Variants in FLOT1 observed in about 807,000 individuals in gnomAD.
The protein encoded by FLOT1 is flotillin 1.
In FLOT1, 40 loss-of-function variants were observed where a neutral mutation model predicts 58.4. That is an observed-to-expected ratio of 0.69 (90% CI 0.53 to 0.89). The LOEUF (loss-of-function observed/expected upper bound fraction) is 0.89, where lower values mean the gene tolerates loss of function less well. FLOT1 is among the 40% of genes least tolerant of loss of function. The probability of loss-of-function intolerance (pLI) is 0.00; values close to 1 mark genes in which losing one functional copy is unlikely to be tolerated. For missense variants in FLOT1, 423 were observed against 540.8 expected, an observed-to-expected ratio of 0.78 and a Z score of 2.16; for synonymous variants, 178 against 204.2, an observed-to-expected ratio of 0.87 and a Z score of 1.09.
chr6:30,735,054 G>A (rs144355208), intron 8 of FLOT1, among the ~76,000 whole-genome samples: 39 of 152,174 alleles, frequency 2.6e-4, no homozygotes, highest in African/African-American at 8.0e-4. Flanking sequence ...GGCCATGTAC[G>A]GAGAAACATC....
At position 30,742,323 on chromosome 6, in the gene FLOT1, C is replaced by T. The variant is rs377432345; in HGVS notation, c.-14-120G>A. ...AGTCTGCATCCGCCACGGCCCGTCCCTTCTACACCCATGGGTCCGCTAAGG... is the reference window on the plus strand; with the variant it reads ...AGTCTGCATCCGCCACGGCCCGTCCTTTCTACACCCATGGGTCCGCTAAGG... On this transcript the variant is annotated intron_variant, in intron 1 of 12. Coordinates refer to ENST00000376389, the MANE Select transcript of FLOT1 (RefSeq NM_005803.4). This position sits in a 1 kb window ranked among gnomAD's most constrained non-coding sequence, Gnocchi z 5.2. The T allele has an allele frequency of 1.2e-6, 1 of 804,682 alleles. No homozygotes were observed. The highest frequency in any genetic ancestry group is 2.5e-5 in the East Asian group (1 of 40,552). 49.8% of individuals were successfully genotyped at this position (804,682 alleles called of 1,614,324 possible). A position where few individuals can be genotyped will look rare whatever the true frequency, so the allele number is the denominator to read the frequency against.
At chr6:30,729,062 G>A (rs886493815) in intron 12 of FLOT1, among the ~76,000 whole-genome samples, 13 of 150,488 alleles carry the variant, frequency 8.6e-5, no homozygotes, top group Non-Finnish European at 1.3e-4. Context: ...ACAGGCATGA[G>A]CTACCGCGCC....
chr6:30,733,820 G>A (rs1777372807), intron 8 of FLOT1, among the ~76,000 whole-genome samples: 1 of 151,530 alleles, frequency 6.6e-6, no homozygotes, highest in Non-Finnish European at 1.5e-5. Flanking sequence ...GGAGGCTAAG[G>A]TGGGAGGATA....
At chr6:30,739,336 C>G (rs537190373) in intron 8 of FLOT1, among the ~76,000 whole-genome samples, 3 of 152,032 alleles carry the variant, frequency 2.0e-5, no homozygotes, top group Admixed American at 6.6e-5. Flanking sequence ...ATATGATCAG[C>G]CTTATTGATC....
At chr6:30,728,178 G>C (rs758257267) in intron 12 of FLOT1, 33 bp from the exon 13 acceptor site, 2 of 1,608,032 alleles carry the variant, frequency 1.2e-6, no homozygotes, top group East Asian at 4.5e-5. Flanking sequence ...TGACACTTGG[G>C]AACATTCGGG....
chr6:30,737,099 G>C lies in FLOT1; in HGVS notation c.723+3059C>G, dbSNP rs2127774056. Among the ~76,000 whole-genome samples the C allele has an allele frequency of 6.6e-6, 1 of 151,684 alleles. No homozygotes were observed. Among genetic ancestry groups the C allele is most frequent in the Non-Finnish European group, 1.5e-5 (1 of 67,920 alleles). ...TCCTCCTCACTCACAGCACACCAGC[G>C]CCCCCAGATCAGAAACCTCCTTTCT... On this transcript the variant is annotated intron_variant, in intron 8 of 12. Coordinates refer to ENST00000376389, the MANE Select transcript of FLOT1 (RefSeq NM_005803.4). The surrounding 1 kb of genome is among the most constrained non-coding windows in gnomAD (Gnocchi z 4.4).
intron 12 of FLOT1, among the ~76,000 whole-genome samples, chr6:30,729,241 A>AT (rs1050879272): frequency 4.7e-5 from 7 of 149,288 alleles, no homozygotes; most frequent in Non-Finnish European, 8.9e-5. Context: ...AGCCTGGCTA[A>AT]TTTTTTTTTG....
intron 8 of FLOT1, among the ~76,000 whole-genome samples, chr6:30,734,100 C>T (rs1777400217): frequency 6.7e-6 from 1 of 149,752 alleles, no homozygotes; most frequent in Non-Finnish European, 1.5e-5. Flanking sequence ...TGAAGCCTGC[C>T]TCTTTGAGAT....
intron 12 of FLOT1, among the ~76,000 whole-genome samples, chr6:30,728,463 G>A (rs1206436996): frequency 6.8e-6 from 1 of 146,704 alleles, no homozygotes; most frequent in Non-Finnish European, 1.5e-5. Context: ...ATTTACATAC[G>A]CTTTTTTTTT....
At chr6:30,734,541 T>G (rs2127770064) in intron 8 of FLOT1, among the ~76,000 whole-genome samples, 1 of 152,202 alleles carries the variant, frequency 6.6e-6, no homozygotes, top group Middle Eastern at 3.4e-3. Flanking sequence ...TCTCCTGACC[T>G]CGTGAGCCAC....
In FLOT1 at chr6:30,737,200, A is replaced by T. The variant is rs199795171; in HGVS notation, c.723+2958T>A. ...CCACGTATGACTGACTGACTGACTGACTGTCTGTCGTCCGTCCGTCCGTCC... is the reference window on the plus strand; with the variant it reads ...CCACGTATGACTGACTGACTGACTGTCTGTCTGTCGTCCGTCCGTCCGTCC... On this transcript the variant is annotated intron_variant, in intron 8 of 12. Coordinates refer to ENST00000376389, the MANE Select transcript of FLOT1 (RefSeq NM_005803.4). This position sits in a 1 kb window ranked among gnomAD's most constrained non-coding sequence, Gnocchi z 4.4. Among the ~76,000 whole-genome samples the T allele has an allele frequency of 8.8e-4, 127 of 143,882 alleles. 2 individuals carry two copies. The highest frequency in any genetic ancestry group is 7.4e-3 in the Middle Eastern group (2 of 272). 94.4% of individuals were successfully genotyped at this position (143,882 alleles called of 152,430 possible).
intron 8 of FLOT1, among the ~76,000 whole-genome samples, chr6:30,732,359 A>AT (rs1052372971): frequency 3.2e-4 from 48 of 148,602 alleles, no homozygotes; most frequent in African/African-American, 7.6e-4. Flanking sequence ...CAAGGAACAC[A>AT]TTTTTTTTTT....
Position 30,737,950 on chromosome 6 carries a change from C to G in FLOT1, c.723+2208G>C, listed in dbSNP as rs373102558. On this transcript the variant is annotated intron_variant, in intron 8 of 12. Transcript: ENST00000376389. This position sits in a 1 kb window ranked among gnomAD's most constrained non-coding sequence, Gnocchi z 4.4. Reference sequence around the variant, plus strand: ...GAATAAATCCTTCTTTCCTGAACACCTAGCACACTGCCTGGTGCATAACGA... The same window carrying G: ...GAATAAATCCTTCTTTCCTGAACACGTAGCACACTGCCTGGTGCATAACGA... Among the ~76,000 whole-genome samples, 41 of 152,212 alleles carry G rather than the reference C, an allele frequency of 2.7e-4. No homozygotes were observed. Among genetic ancestry groups the G allele is most frequent in the African/African-American group, 8.4e-4 (35 of 41,454 alleles).
intron 8 of FLOT1, among the ~76,000 whole-genome samples, chr6:30,735,097 T>C (rs886774332): frequency 3.3e-5 from 5 of 152,108 alleles, no homozygotes; most frequent in Non-Finnish European, 1.5e-5. Context: ...TCTTTTTGGA[T>C]TGGTCATGTT....
In FLOT1 at chr6:30,741,373, C is replaced by G; in HGVS notation, c.211-40G>C. The G allele has an allele frequency of 6.2e-7, 1 of 1,610,802 alleles. No homozygotes were observed. Among genetic ancestry groups the G allele is most frequent in the Non-Finnish European group, 8.5e-7 (1 of 1,178,314 alleles). ...GGGGTAGGAAAGGTGTGGTGGGGGT[C>G]TCATGAAGTCAGAGAAAAAGCAGAG... On this transcript the variant is annotated intron_variant, in intron 4 of 12. Transcript: ENST00000376389. This position sits in a 1 kb window ranked among gnomAD's most constrained non-coding sequence, Gnocchi z 5.9.
At position 30,737,217 on chromosome 6, in the gene FLOT1, C is replaced by CGTCT. The variant is rs1562188095; in HGVS notation, c.723+2940_723+2941insAGAC. On this transcript the variant is annotated intron_variant, in intron 8 of 12. Coordinates refer to ENST00000376389, the MANE Select transcript of FLOT1 (RefSeq NM_005803.4). The surrounding 1 kb of genome is among the most constrained non-coding windows in gnomAD (Gnocchi z 4.4). ...ACTGACTGACTGTCTGTCGTCCGTC[C>CGTCT]GTCCGTCCGTCCGTCCGTCCGTCCG... Among the ~76,000 whole-genome samples the CGTCT allele has an allele frequency of 6.2e-5, 5 of 80,742 alleles. No homozygotes were observed. Among genetic ancestry groups the CGTCT allele is most frequent in the East Asian group, 3.2e-4 (1 of 3,152 alleles). 53.0% of individuals were successfully genotyped at this position (80,742 alleles called of 152,430 possible). A position where few individuals can be genotyped will look rare whatever the true frequency, so the allele number is the denominator to read the frequency against.
chr6:30,729,368 T>C (rs1410637233), intron 12 of FLOT1, among the ~76,000 whole-genome samples: 1 of 152,180 alleles, frequency 6.6e-6, no homozygotes, highest in African/African-American at 2.4e-5. Flanking sequence ...CGTAAGCCAC[T>C]GCACCTGGCC....
At position 30,741,701 on chromosome 6, in the gene FLOT1, G is replaced by C. The variant is rs1777994345; in HGVS notation, c.123C>G (p.Ile41Met). 1.9e-6 allele frequency: 3 copies of C among 1,612,476 alleles called. No individual in the cohort carries two copies. The highest frequency in any genetic ancestry group is 2.5e-6 in the Non-Finnish European group (3 of 1,179,644). ...VLPCIQQIQRISLNTLTLNVK... is the reference protein window; with the variant it reads ...VLPCIQQIQRMSLNTLTLNVK... ...CATTGAGGGTCAGTGTGTTGAGAGA[G>C]ATCCTAGGGGAAAAAGAAGGGACAG... The change falls in exon 4 of 13, where the codon ATC becomes ATG. Residue 41 changes from isoleucine to methionine, a missense_variant. Ile to Met is a conservative substitution (Grantham distance 10). Around this residue, in one of 6 missense-constraint regions of FLOT1, gnomAD observed 91 missense variants for 118.3 expected, o/e 0.77. Transcript: ENST00000376389. The surrounding 1 kb of genome is among the most constrained non-coding windows in gnomAD (Gnocchi z 5.9).
chr6:30,728,778 A>G lies in FLOT1; in HGVS notation c.1255-633T>C, dbSNP rs867784107. Among the ~76,000 whole-genome samples, 8 of 141,086 alleles carry G rather than the reference A, an allele frequency of 5.7e-5. No homozygotes were observed. The East Asian group carries it at 1.4e-3, about 25-fold the overall frequency. 92.6% of individuals were successfully genotyped at this position (141,086 alleles called of 152,430 possible). A position where few individuals can be genotyped will look rare whatever the true frequency, so the allele number is the denominator to read the frequency against. On this transcript the variant is annotated intron_variant, in intron 12 of 12. Transcript: ENST00000376389. Reference sequence around the variant, plus strand: ...GCCACAGCACCCAGCCCGAATATGCATTTCTTTCTCTTTTTTTTTTTGAGA... The same window carrying G: ...GCCACAGCACCCAGCCCGAATATGCGTTTCTTTCTCTTTTTTTTTTTGAGA...
Sources: gnomAD v4.1 joint callset for allele counts (sites outside exome capture counted in the v4.1 genomes callset) on GRCh38, gnomAD v4.1.1 for gene constraint, gnomAD v4.1.1 regional missense constraint, Gnocchi (gnomAD v3.1) non-coding constraint, MANE v1.5 for transcripts, NCBI Gene and HGNC (gene_info 2026-07-23, HGNC 2026-07-21) for gene names.